The following AMPD3 variants were observed in gnomAD, a reference collection of about 807,000 sequenced individuals.
AMPD3 encodes adenosine monophosphate deaminase 3.
Under a neutral mutation model 82.3 loss-of-function variants are expected in AMPD3, and 57 were observed. The observed-to-expected ratio is 0.69, with a 90% CI of 0.56 to 0.86. AMPD3 has a LOEUF of 0.86. AMPD3 is among the 40% of genes least tolerant of loss of function. The pLI is 0.00. For synonymous variants in AMPD3, 381 were observed against 394.7 expected (o/e 0.97, Z 0.41); for missense variants, 870 against 1,003.8 (o/e 0.87, Z 1.80).
chr11:10,489,407 G>A (rs1168447987), intron 6 of AMPD3, among the ~76,000 whole-genome samples: 1 of 152,202 alleles, frequency 6.6e-6, no homozygotes, highest in Non-Finnish European at 1.5e-5. Flanking sequence ...CTAAGGTGGG[G>A]CCCCAGTGGG....
intron 6 of AMPD3, among the ~76,000 whole-genome samples, chr11:10,487,859 A>G (rs1487199501): frequency 1.4e-4 from 21 of 152,180 alleles, no homozygotes. Flanking sequence ...GATGGCTTCC[A>G]GCTGGGCTTA....
At chr11:10,473,492 C>T in intron 2 of AMPD3, 1 of 985,068 alleles carries the variant, frequency 1.0e-6, no homozygotes, top group Non-Finnish European at 1.2e-6. Context: ...AAAGAAGGGG[C>T]AGGTTTCCAG....
intron 1 of AMPD3, among the ~76,000 whole-genome samples, chr11:10,459,744 C>T (rs1400765068): frequency 6.6e-6 from 1 of 151,986 alleles, no homozygotes; most frequent in East Asian, 1.9e-4. Flanking sequence ...TGAGGAGCCC[C>T]TGCCCGGACA....
intron 1 of AMPD3, among the ~76,000 whole-genome samples, chr11:10,459,627 G>T (rs1490691974): frequency 6.6e-6 from 1 of 152,150 alleles, no homozygotes; most frequent in Non-Finnish European, 1.5e-5. Context: ...AGAAACTGTG[G>T]TCATAGGTAG....
chr11:10,454,142 T>C (rs1330021163), upstream of AMPD3, among the ~76,000 whole-genome samples: 4 of 152,156 alleles, frequency 2.6e-5, no homozygotes, highest in South Asian at 6.2e-4. Context: ...AAGGTGGAAT[T>C]GTGAGGTCCT....
intron 9 of AMPD3, 78 bp downstream of exon 9, chr11:10,495,811 C>G: frequency 1.3e-6 from 2 of 1,573,102 alleles, no homozygotes; most frequent in Non-Finnish European, 8.7e-7. Flanking sequence ...TGAGTCTGCA[C>G]TCCTGAGGGG....
intron 7 of AMPD3, among the ~76,000 whole-genome samples, chr11:10,494,323 G>A (rs1849326050): frequency 6.6e-6 from 1 of 152,212 alleles, no homozygotes; most frequent in East Asian, 1.9e-4. Flanking sequence ...ACCAGGGGCT[G>A]GGGAGAGGAA....
intron 6 of AMPD3, chr11:10,488,536 G>A (rs1445540658): frequency 1.1e-4 from 70 of 612,540 alleles, no homozygotes; most frequent in Non-Finnish European, 1.4e-4. Context: ...TGGAGCTCAG[G>A]CATTGGGAGC....
intron 11 of AMPD3, chr11:10,500,631 G>C (rs756311985): frequency 2.0e-6 from 2 of 985,318 alleles, no homozygotes; most frequent in African/African-American, 3.5e-5. Context: ...ACACATGCAC[G>C]GTCACTTACT....
intron 4 of AMPD3, among the ~76,000 whole-genome samples, chr11:10,483,361 G>T (rs934801165): frequency 2.0e-5 from 3 of 152,174 alleles, no homozygotes; most frequent in Admixed American, 6.5e-5. Context: ...GCCTCTGGGG[G>T]TAGCTGGTGG....
At chr11:10,492,281 C>T (rs965278277) in intron 6 of AMPD3, among the ~76,000 whole-genome samples, 2 of 152,222 alleles carry the variant, frequency 1.3e-5, no homozygotes, top group Non-Finnish European at 2.9e-5. Flanking sequence ...GCTCTAAGAT[C>T]TTTGGCCTTG....
rs1410327245 is a variant in AMPD3, at chr11:10,482,198, A to G, written c.562A>G (p.Thr188Ala). The change falls in exon 4 of 15, where the codon ACT becomes GCT. Residue 188 changes from threonine to alanine, a missense_variant. Coordinates refer to ENST00000396553, the MANE Select transcript of AMPD3 (RefSeq NM_001025389.2). ...GTACCTGGGTCATCCGCGGGCGGAT[A>G]CTGCACCTCCGGAAGAGGGCCTTCC... ...SQYLGHPRADTAPPEEGLPDF... is the reference protein window; with the variant it reads ...SQYLGHPRADAAPPEEGLPDF... The G allele has an allele frequency of 1.9e-6, 3 of 1,612,930 alleles. No homozygotes were observed. The highest frequency in any genetic ancestry group is 2.5e-6 in the Non-Finnish European group (3 of 1,179,706).
At chr11:10,478,890 T>TTGTGGGG (rs1411395496) in intron 3 of AMPD3, among the ~76,000 whole-genome samples, 160 bp downstream of exon 3, 9 of 150,420 alleles carry the variant, frequency 6.0e-5, no homozygotes, top group Middle Eastern at 3.4e-3. Flanking sequence ...CTAGCAGAGG[T>TTGTGGGG]TGTGGGGTGT....
In AMPD3 at chr11:10,456,233, G is replaced by A; in HGVS notation, c.-6+785G>A. ...CAGGCTTTTCCTGCTCTGGCTCACT[G>A]CTGCTCACAGATATGCAAAACAGAG... On this transcript the variant is annotated intron_variant, in intron 1 of 14. Coordinates refer to ENST00000396553, the MANE Select transcript of AMPD3 (RefSeq NM_001025389.2). This position sits in a 1 kb window ranked among gnomAD's most constrained non-coding sequence, Gnocchi z 4.3. 1 of 1,487,380 alleles carries A rather than the reference G, an allele frequency of 6.7e-7. No homozygotes were observed. The highest frequency in any genetic ancestry group is 1.4e-5 in the South Asian group (1 of 70,448). The allele number at this position is 1,487,380 out of a possible 1,614,324, so 92.1% of individuals were successfully genotyped here.
chr11:10,496,707 G>A, intron 9 of AMPD3, 105 bp from the exon 10 acceptor site: 3 of 1,581,566 alleles, frequency 1.9e-6, no homozygotes, highest in Non-Finnish European at 2.6e-6. Context: ...GATTCTGGGT[G>A]TTTGATGGGG....
At chr11:10,502,406 AAGGTGTAGGCTGG>A (rs1849604707) in intron 12 of AMPD3, 2 of 985,448 alleles carry the variant, frequency 2.0e-6, no homozygotes, top group South Asian at 9.4e-5. Flanking sequence ...AAAGGAGCTG[AAGGTGTAGGCTGG>A]AGTGGGCTGC....
intron 2 of AMPD3, among the ~76,000 whole-genome samples, chr11:10,466,524 A>T (rs190749103): frequency 5.1e-4 from 77 of 152,268 alleles, no homozygotes; most frequent in African/African-American, 1.8e-3. Context: ...TCTCTGAAAA[A>T]AAGGCAGCAG....
chr11:10,487,341 C>A lies in AMPD3; in HGVS notation c.916C>A (p.Arg306=), dbSNP rs76836360. The A allele has an allele frequency of 6.8e-6, 11 of 1,613,996 alleles. No homozygotes were observed. Among genetic ancestry groups the A allele is most frequent in the Admixed American group, 1.7e-5 (1 of 60,008 alleles). Residue 306 remains arginine, a synonymous_variant, in exon 6 of 15, where the codon CGG becomes AGG. Transcript: ENST00000396553. ...CAAAGAGTTGAAGAGTAACCCCCAC[C>A]GGGACTTCTATAACGTGAGAAAGGT... ...EFKELKSNPH[R]DFYNVRKVDT... is the part of the protein sequence containing the mutation.
intron 6 of AMPD3, 64 bp downstream of exon 6, chr11:10,487,428 C>T: frequency 6.2e-7 from 1 of 1,606,050 alleles, no homozygotes; most frequent in East Asian, 2.2e-5. Context: ...ATGGGATGCC[C>T]TGAGCCAGTC....
Sources: gnomAD v4.1 joint callset for allele counts (sites outside exome capture counted in the v4.1 genomes callset) on GRCh38, gnomAD v4.1.1 for gene constraint, Gnocchi (gnomAD v3.1) non-coding constraint, MANE v1.5 for transcripts, NCBI Gene and HGNC (gene_info 2026-07-23, HGNC 2026-07-21) for gene names.